The following BMPR1B variants were observed in gnomAD, a reference collection of about 807,000 sequenced individuals.
The protein encoded by BMPR1B is bone morphogenetic protein receptor type-1B.
In BMPR1B, 12 loss-of-function variants were observed where a neutral mutation model predicts 59.1. That is an observed-to-expected ratio of 0.20 (90% confidence interval 0.13 to 0.33). BMPR1B has a LOEUF of 0.33. Ranked by LOEUF, BMPR1B falls within the 10% of genes least tolerant of loss-of-function variation. The pLI is 1.00. For missense variants in BMPR1B, 550 were observed against 610.9 expected, an observed-to-expected ratio of 0.90 and a Z score of 1.05; for synonymous variants, 237 against 207.3, an observed-to-expected ratio of 1.14 and a Z score of -1.23.
chr4:94,806,316 T>C (rs1465495627), intron 1 of BMPR1B, among the ~76,000 whole-genome samples: 1 of 152,218 alleles, frequency 6.6e-6, no homozygotes, highest in East Asian at 1.9e-4. Flanking sequence ...ACTGGGAGTT[T>C]GAAGAGAATT....
At chr4:95,005,490 C>A (rs976495695) in intron 3 of BMPR1B, among the ~76,000 whole-genome samples, 5 of 152,156 alleles carry the variant, frequency 3.3e-5, no homozygotes, top group Non-Finnish European at 5.9e-5. Flanking sequence ...GTACTATGAT[C>A]TTTCAGACAG....
intron 1 of BMPR1B, among the ~76,000 whole-genome samples, chr4:94,875,159 T>C (rs1207506301): frequency 6.6e-6 from 1 of 152,172 alleles, no homozygotes; most frequent in Non-Finnish European, 1.5e-5. Context: ...ATATGGAATA[T>C]TATATTTTCT....
intron 3 of BMPR1B, among the ~76,000 whole-genome samples, chr4:95,034,730 A>G (rs1357315089): frequency 1.3e-5 from 2 of 151,990 alleles, no homozygotes; most frequent in South Asian, 2.1e-4. Context: ...TTGTGCTGCT[A>G]TAAACAGGTG....
At chr4:95,114,269 CTAACTG>C (rs1452182526) in intron 4 of BMPR1B, among the ~76,000 whole-genome samples, 42 of 152,116 alleles carry the variant, frequency 2.8e-4, no homozygotes, top group Admixed American at 2.1e-3. Flanking sequence ...CTCCTTCTCA[CTAACTG>C]TAAGACTTTT....
intron 2 of BMPR1B, among the ~76,000 whole-genome samples, chr4:94,912,279 T>G (rs1728306170): frequency 6.6e-6 from 1 of 152,070 alleles, no homozygotes; most frequent in Non-Finnish European, 1.5e-5. Context: ...TATCACACAA[T>G]AAATATCTGT....
At chr4:94,820,841 G>A (rs544343030) in intron 1 of BMPR1B, among the ~76,000 whole-genome samples, 2 of 152,244 alleles carry the variant, frequency 1.3e-5, no homozygotes, top group African/African-American at 2.4e-5. Flanking sequence ...TACTGTTGGC[G>A]CTAACTTCAA....
At chr4:94,909,177 C>G (rs1384663417) in intron 2 of BMPR1B, among the ~76,000 whole-genome samples, 1 of 152,028 alleles carries the variant, frequency 6.6e-6, no homozygotes, top group East Asian at 1.9e-4. Context: ...AGGGCCCATT[C>G]TAATCCAGTA....
chr4:94,790,792 C>T (rs548352050), intron 1 of BMPR1B, among the ~76,000 whole-genome samples: 3 of 152,280 alleles, frequency 2.0e-5, no homozygotes, highest in East Asian at 1.9e-4. Context: ...AAAGACAACA[C>T]ACATTTTAGT....
Position 94,799,251 on chromosome 4 carries a change from A to G in BMPR1B, c.-183+41183A>G, listed in dbSNP as rs1723308414. Among the ~76,000 whole-genome samples, 3 of 148,628 alleles carry G rather than the reference A, an allele frequency of 2.0e-5. No individual in the cohort carries two copies. In the Admixed American group the frequency reaches 2.0e-4, roughly 10 times the overall value. On this transcript the variant is annotated intron_variant, in intron 1 of 12. Transcript: ENST00000515059. ...GCCGGGCTGCGTAGAATTCACAGAG[A>G]CTTCATTGGATAGTAGCAGTGACCT...
chr4:94,950,951 T>C (rs935940192), intron 2 of BMPR1B, among the ~76,000 whole-genome samples: 2 of 152,252 alleles, frequency 1.3e-5, no homozygotes, highest in Admixed American at 6.5e-5. Context: ...TCCTCTCTTA[T>C]TTCCTTGAGC....
chr4:95,046,141 T>C (rs1351335037), intron 3 of BMPR1B, among the ~76,000 whole-genome samples: 1 of 152,170 alleles, frequency 6.6e-6, no homozygotes, highest in African/African-American at 2.4e-5. Context: ...CTGGGCTCAA[T>C]CAAGCAGCCC....
At chr4:94,906,434 C>T (rs1468580194) in intron 2 of BMPR1B, among the ~76,000 whole-genome samples, 2 of 152,066 alleles carry the variant, frequency 1.3e-5, no homozygotes, top group East Asian at 1.9e-4. Flanking sequence ...AAAGTATTCA[C>T]TCTTAAGGGG....
At chr4:94,826,071 A>T (rs1430487281) in intron 1 of BMPR1B, among the ~76,000 whole-genome samples, 1 of 152,216 alleles carries the variant, frequency 6.6e-6, no homozygotes, top group East Asian at 1.9e-4. Flanking sequence ...ATTTCCTCAA[A>T]AATATTAATT....
In BMPR1B at chr4:95,123,881, C is replaced by G. The variant is rs1346621381; in HGVS notation, c.421C>G (p.Leu141Val). Residue 141 changes from leucine (L) to valine (V), a missense_variant, in exon 7 of 13, where the codon CTT becomes GTT. This residue lies in a region of BMPR1B where 318 missense variants were observed against 284.6 expected (regional missense o/e 1.12). Coordinates refer to ENST00000515059, the MANE Select transcript of BMPR1B (RefSeq NM_001203.3). ...SVTVCSLLLV[L>V]IILFCYFRYK... ...GACTGTCTGTAGTTTGCTCTTGGTC[C>G]TTATCATATTATTTTGTTACTTCCG... 6.2e-7 allele frequency: 1 copy of G among 1,611,346 alleles called. No individual in the cohort carries two copies. Among genetic ancestry groups the G allele is most frequent in the Non-Finnish European group, 8.5e-7 (1 of 1,178,760 alleles).
At position 94,992,934 on chromosome 4, in the gene BMPR1B, G is replaced by A. The variant is rs115223565; in HGVS notation, c.-112-3106G>A. On this transcript the variant is annotated intron_variant, in intron 2 of 12. Coordinates refer to ENST00000515059, the MANE Select transcript of BMPR1B (RefSeq NM_001203.3). ...GTCTTGTTCTGCCATCCAGGCTGGA[G>A]TCCAGGGGCACAGTCAATAGCTCAC... Among the ~76,000 whole-genome samples the A allele has an allele frequency of 7.0e-3, 1,067 of 152,182 alleles. 10 individuals carry two copies. Among genetic ancestry groups the A allele is most frequent in the African/African-American group, 0.023 (953 of 41,514 alleles).
At chr4:95,136,172 A>G (rs1560683104) in intron 10 of BMPR1B, among the ~76,000 whole-genome samples, 1 of 152,120 alleles carries the variant, frequency 6.6e-6, no homozygotes, top group African/African-American at 2.4e-5. Context: ...CCAACCAAAA[A>G]AAGTCCAGGA....
chr4:94,919,545 C>T (rs1191463508), intron 2 of BMPR1B, among the ~76,000 whole-genome samples: 2 of 151,996 alleles, frequency 1.3e-5, no homozygotes, highest in Non-Finnish European at 2.9e-5. Flanking sequence ...TTATCCACCC[C>T]CTCAACCCAC....
chr4:94,954,816 C>G (rs1246256022), intron 2 of BMPR1B, among the ~76,000 whole-genome samples: 2 of 152,108 alleles, frequency 1.3e-5, no homozygotes, highest in African/African-American at 2.4e-5. Context: ...GTTCCTGATG[C>G]ATACTGAACA....
At position 95,156,316 on chromosome 4, in the gene BMPR1B, CT is replaced by C. The variant is rs1735416582; in HGVS notation, c.*1644del. ...AGAATTTGAAAGTACTTTCTCCTTGCTGTTTTTTTTTTTTTTTAAGACATTC... is the reference window on the plus strand; with the variant it reads ...AGAATTTGAAAGTACTTTCTCCTTGCGTTTTTTTTTTTTTTTAAGACATTC... On this transcript the variant is annotated 3_prime_UTR_variant, in exon 13 of 13. Coordinates refer to ENST00000515059, the MANE Select transcript of BMPR1B (RefSeq NM_001203.3). 1 of 145,666 alleles carries C rather than the reference CT, an allele frequency of 6.9e-6. No individual in the cohort carries two copies. Among genetic ancestry groups the C allele is most frequent in the Admixed American group, 6.8e-5 (1 of 14,740 alleles). 9.0% of individuals were successfully genotyped at this position (145,666 alleles called of 1,614,324 possible).
Sources: gnomAD v4.1 joint callset for allele counts (sites outside exome capture counted in the v4.1 genomes callset) on GRCh38, gnomAD v4.1.1 for gene constraint, gnomAD v4.1.1 regional missense constraint, MANE v1.5 for transcripts, NCBI Gene and HGNC (gene_info 2026-07-23, HGNC 2026-07-21) for gene names.